The following OR51B5 variants were observed in gnomAD, a reference collection of about 807,000 sequenced individuals.
OR51B5 encodes the protein olfactory receptor 51B5.
For missense variants in OR51B5, 456 were observed against 374.6 expected, an observed-to-expected ratio of 1.22 and a Z score of -1.79; for synonymous variants, 186 against 144.8, an observed-to-expected ratio of 1.28 and a Z score of -2.04.
chr11:5,391,758 G>T (rs1266270042), intron 1 of OR51B5: 1 of 88,600 alleles, frequency 1.1e-5, no homozygotes, highest in Non-Finnish European at 2.5e-5. Flanking sequence ...CAGGCACGGT[G>T]GCTTATGCTA....
At chr11:5,462,150 G>A (rs1480868010) in intron 1 of OR51B5, among the ~76,000 whole-genome samples, 1 of 152,168 alleles carries the variant, frequency 6.6e-6, no homozygotes, top group African/African-American at 2.4e-5. Context: ...CCCTGTCATG[G>A]GTATGTTTCT....
At chr11:5,409,523 CAAAAT>C (rs1850111485) in intron 1 of OR51B5, among the ~76,000 whole-genome samples, 1 of 151,134 alleles carries the variant, frequency 6.6e-6, no homozygotes, top group Admixed American at 6.6e-5. Flanking sequence ...AAAAATCTAT[CAAAAT>C]AAATGCATTT....
At chr11:5,420,421 A>G (rs1274650555) in intron 1 of OR51B5, among the ~76,000 whole-genome samples, 2 of 151,960 alleles carry the variant, frequency 1.3e-5, no homozygotes, top group Non-Finnish European at 2.9e-5. Flanking sequence ...TTGTAGTTGT[A>G]TTTCTTTTAC....
intron 1 of OR51B5, chr11:5,389,406 TC>T: frequency 6.2e-7 from 1 of 1,612,210 alleles, no homozygotes; most frequent in African/African-American, 1.3e-5. Flanking sequence ...GGAATGTCAG[TC>T]CAATATTCGC....
chr11:5,435,795 A>AT (rs1284220407), intron 1 of OR51B5, among the ~76,000 whole-genome samples: 1 of 152,202 alleles, frequency 6.6e-6, no homozygotes, highest in Non-Finnish European at 1.5e-5. Context: ...CTTAAAACAA[A>AT]TCTGTAGTTT....
At chr11:5,402,728 G>T (rs949956800) in intron 1 of OR51B5, 1 of 471,314 alleles carries the variant, frequency 2.1e-6, no homozygotes. Context: ...TTTTCCTTGG[G>T]AATGGCATCA....
intron 1 of OR51B5, among the ~76,000 whole-genome samples, chr11:5,386,295 G>T (rs2736536): frequency 0.6 from 90,726 of 151,798 alleles, 27,232 homozygotes; most frequent in South Asian, 0.7. Context: ...AAGAAGGACC[G>T]GGCTAAAGAT....
chr11:5,403,305 A>C (rs953469048), intron 1 of OR51B5: 21 of 471,452 alleles, frequency 4.5e-5, no homozygotes, highest in Admixed American at 4.0e-4. Context: ...AGAAGGGAGG[A>C]AGAAGGCACT....
chr11:5,478,549 G>C (rs544025583), intron 1 of OR51B5, among the ~76,000 whole-genome samples: 1 of 150,222 alleles, frequency 6.7e-6, no homozygotes, highest in Non-Finnish European at 1.5e-5. Context: ...GGCTTCAGAC[G>C]ATCAAATTAC....
intron 1 of OR51B5, among the ~76,000 whole-genome samples, chr11:5,350,348 G>GA (rs1397285259): frequency 1.3e-5 from 2 of 152,126 alleles, no homozygotes; most frequent in Admixed American, 6.6e-5. Flanking sequence ...TCTTTTCATG[G>GA]ACAGAAAGAG....
chr11:5,352,045 CA>C lies in OR51B5; in HGVS notation n.85-5136del, dbSNP rs773798151. On this transcript the variant is annotated intron_variant and non_coding_transcript_variant, in intron 1 of 4. Coordinates refer to the OR51B5 transcript ENST00000415970. Reference sequence around the variant, plus strand: ...ACTCTCCCATGCTTTCTGTCTACACCAAGATGTCATCAAGCTAGCCTGTGCT... The same window carrying C: ...ACTCTCCCATGCTTTCTGTCTACACCAGATGTCATCAAGCTAGCCTGTGCT... 22 of 1,614,004 alleles carry C rather than the reference CA, an allele frequency of 1.4e-5. 1 individual carries two copies. The South Asian group carries it at 2.4e-4, about 18-fold the overall frequency.
chr11:5,436,843 C>T (rs1189149723), intron 1 of OR51B5, among the ~76,000 whole-genome samples: 1 of 152,122 alleles, frequency 6.6e-6, no homozygotes. Context: ...ATCAAAGTGT[C>T]TTGATCACCT....
chr11:5,489,712 T>C (rs773261748), intron 1 of OR51B5: 1 of 1,219,868 alleles, frequency 8.2e-7, no homozygotes, highest in East Asian at 2.3e-5. Flanking sequence ...GATGGCTGTC[T>C]AGATACATTT....
intron 1 of OR51B5, among the ~76,000 whole-genome samples, chr11:5,381,189 CAAT>C (rs1342023268): frequency 2.1e-5 from 3 of 143,608 alleles, no homozygotes; most frequent in Admixed American, 7.2e-5. Flanking sequence ...CACACACAAA[CAAT>C]ATTACATGCA....
At chr11:5,352,249 G>A (rs1554933215) in intron 1 of OR51B5, 4 of 1,614,160 alleles carry the variant, frequency 2.5e-6, no homozygotes, top group Non-Finnish European at 3.4e-6. Context: ...CTGCATCCTG[G>A]TCTTCTATGT....
intron 1 of OR51B5, among the ~76,000 whole-genome samples, chr11:5,433,219 C>T (rs990692218): frequency 5.3e-5 from 8 of 152,138 alleles, no homozygotes; most frequent in Admixed American, 5.2e-4. Flanking sequence ...CACAGAGATA[C>T]AAGACTCCTT....
intron 1 of OR51B5, among the ~76,000 whole-genome samples, chr11:5,374,987 A>G (rs1017764407): frequency 2.6e-5 from 4 of 151,778 alleles, no homozygotes; most frequent in Non-Finnish European, 5.9e-5. Context: ...AGAGAACGCC[A>G]CAAACATACT....
chr11:5,468,155 G>A (rs1181339801), intron 1 of OR51B5, among the ~76,000 whole-genome samples: 4 of 152,170 alleles, frequency 2.6e-5, no homozygotes, highest in Non-Finnish European at 5.9e-5. Flanking sequence ...ACGAATGTAT[G>A]CATTAGTTTT....
chr11:5,366,543 A>C (rs775564337), intron 1 of OR51B5, among the ~76,000 whole-genome samples: 1 of 152,000 alleles, frequency 6.6e-6, no homozygotes, highest in Non-Finnish European at 1.5e-5. Context: ...TGGGAGGCGG[A>C]GGTTGCAGTG....
Sources: gnomAD v4.1 joint callset for allele counts (sites outside exome capture counted in the v4.1 genomes callset) on GRCh38, gnomAD v4.1.1 for gene constraint, MANE v1.5 for transcripts, NCBI Gene and HGNC (gene_info 2026-07-23, HGNC 2026-07-21) for gene names.